Variants in ARK2C observed in about 807,000 individuals in gnomAD.
ARK2C encodes the protein E3 ubiquitin-protein ligase ARK2C.
chr18:46,354,844 T>TA, the ARK2C span, among the ~76,000 whole-genome samples: 1 of 152,264 alleles, frequency 6.6e-6, no homozygotes, highest in South Asian at 2.1e-4. Context: ...TTGGGGCCTA[T>TA]AAGTAAATCT....
At chr18:46,345,738 A>T in the ARK2C span, among the ~76,000 whole-genome samples, 6 of 152,224 alleles carry the variant, frequency 3.9e-5, no homozygotes, top group African/African-American at 7.2e-5. Flanking sequence ...TGCAAATTTT[A>T]CATAAACCTT....
At chr18:46,338,902 G>A in the ARK2C span, among the ~76,000 whole-genome samples, 49 of 152,286 alleles carry the variant, frequency 3.2e-4, 1 homozygote, top group South Asian at 9.1e-3. Flanking sequence ...TCGCTGGCGG[G>A]TGCACCCCTG....
chr18:46,377,190 A>G, the ARK2C span, among the ~76,000 whole-genome samples: 2 of 152,248 alleles, frequency 1.3e-5, no homozygotes, highest in Non-Finnish European at 2.9e-5. Context: ...AAAAAGGTAT[A>G]TAATGTACCC....
the ARK2C span, among the ~76,000 whole-genome samples, chr18:46,399,206 G>A: frequency 6.6e-6 from 1 of 152,232 alleles, no homozygotes; most frequent in Non-Finnish European, 1.5e-5. Flanking sequence ...TCGAGGAGAA[G>A]GTCTCCTTAG....
chr18:46,336,670 T>C, the ARK2C span: 8 of 985,442 alleles, frequency 8.1e-6, no homozygotes, highest in South Asian at 2.3e-4. Flanking sequence ...TCAGAATAGA[T>C]GTAGAGAAAT....
chr18:46,345,680 A>C, the ARK2C span, among the ~76,000 whole-genome samples: 2 of 152,232 alleles, frequency 1.3e-5, no homozygotes, highest in Admixed American at 1.3e-4. Flanking sequence ...ATTTGGGGAA[A>C]ACATGAAGTT....
the ARK2C span, among the ~76,000 whole-genome samples, chr18:46,381,780 A>G: frequency 3.7e-3 from 559 of 152,126 alleles, 2 homozygotes; most frequent in Middle Eastern, 0.031. Flanking sequence ...ACAGTGAGCT[A>G]GGATTCTACC....
At chr18:46,406,196 C>A in the ARK2C span, among the ~76,000 whole-genome samples, 5 of 152,182 alleles carry the variant, frequency 3.3e-5, no homozygotes, top group African/African-American at 1.2e-4. Flanking sequence ...CATCCAGAGT[C>A]GTCACAAACT....
chr18:46,334,404 C>A, the ARK2C span: 3 of 1,433,254 alleles, frequency 2.1e-6, no homozygotes, highest in East Asian at 2.6e-5. The surrounding 1 kb of genome is among the most constrained non-coding windows in gnomAD (Gnocchi z 4.4). Flanking sequence ...CGGGGGCGGG[C>A]GCCGCGGGCG....
chr18:46,344,875 C>T, the ARK2C span, among the ~76,000 whole-genome samples: 1 of 152,234 alleles, frequency 6.6e-6, no homozygotes, highest in Non-Finnish European at 1.5e-5. Context: ...TGGCTTGGTT[C>T]TGTCAGCACT....
the ARK2C span, among the ~76,000 whole-genome samples, chr18:46,375,202 C>T: frequency 6.6e-6 from 1 of 152,244 alleles, no homozygotes; most frequent in African/African-American, 2.4e-5. Flanking sequence ...TTCTTTTGTG[C>T]TGTCACTGGC....
the ARK2C span, chr18:46,447,434 T>C: frequency 8.5e-6 from 8 of 941,616 alleles, no homozygotes; most frequent in South Asian, 6.1e-5. Flanking sequence ...GGCTGGGAGA[T>C]GTAAAGTTCC....
At chr18:46,390,196 C>A in the ARK2C span, among the ~76,000 whole-genome samples, 12 of 152,308 alleles carry the variant, frequency 7.9e-5, no homozygotes, top group South Asian at 2.3e-3. Context: ...GGAACTGGGC[C>A]GATTCCTGCT....
the ARK2C span, among the ~76,000 whole-genome samples, chr18:46,345,085 G>GGCAGGGGTGCCTGGGAT: frequency 0.051 from 7,802 of 152,164 alleles, 636 homozygotes; most frequent in African/African-American, 0.18. Flanking sequence ...GCTGCTTCGG[G>GGCAGGGGTGCCTGGGAT]GCAGGGGTGC....
At chr18:46,351,445 A>G in the ARK2C span, among the ~76,000 whole-genome samples, 1 of 152,206 alleles carries the variant, frequency 6.6e-6, no homozygotes, top group South Asian at 2.1e-4. Context: ...GACCTGGAGC[A>G]AAAAGCTAAA....
At chr18:46,420,830 A>T in the ARK2C span, among the ~76,000 whole-genome samples, 3 of 151,666 alleles carry the variant, frequency 2.0e-5, no homozygotes, top group African/African-American at 7.3e-5. Context: ...GGGCAACAAG[A>T]GCAGGACTCC....
chr18:46,385,725 G>C, the ARK2C span: 1 of 152,090 alleles, frequency 6.6e-6, no homozygotes, highest in South Asian at 2.1e-4. Context: ...CCAGCCTCTT[G>C]CTCCAAGCCT....
At chr18:46,456,623 G>A in the ARK2C span, 2 of 1,612,740 alleles carry the variant, frequency 1.2e-6, no homozygotes, top group Non-Finnish European at 1.7e-6. Flanking sequence ...ACACAACTGG[G>A]AGCCGACAGC....
the ARK2C span, among the ~76,000 whole-genome samples, chr18:46,349,592 G>C: frequency 1.9e-3 from 292 of 152,330 alleles, 6 homozygotes; most frequent in East Asian, 0.038. Flanking sequence ...TGGCATTTTT[G>C]CTGGCCAGCC....
Sources: allele counts gnomAD v4.1 joint callset (sites outside exome capture counted in the v4.1 genomes callset), GRCh38; gene constraint gnomAD v4.1.1; non-coding constraint Gnocchi (gnomAD v3.1); transcripts MANE v1.5; gene names NCBI Gene and HGNC (gene_info 2026-07-23, HGNC 2026-07-21).